PHACTR2: variants seen among roughly 807,000 people sequenced by gnomAD.
PHACTR2 encodes the protein phosphatase and actin regulator 2, also known as chromosome 6 open reading frame 56.
Under a neutral mutation model 76.0 loss-of-function variants are expected in PHACTR2, and 30 were observed. That is an observed-to-expected ratio of 0.39 (90% CI 0.30 to 0.54). The LOEUF (loss-of-function observed/expected upper bound fraction) is 0.54, where lower values mean the gene tolerates loss of function less well. Ranked by LOEUF, PHACTR2 falls within the 20% of genes least tolerant of loss-of-function variation. PHACTR2 has a pLI of 0.61. For missense variants in PHACTR2, 696 were observed against 781.1 expected (o/e 0.89, Z 1.30); for synonymous variants, 292 against 292.5 (o/e 1.00, Z 0.02).
chr6:143,571,989 T>C lies in PHACTR2; in HGVS notation c.217+34782T>C, dbSNP rs1775450558. Among the ~76,000 whole-genome samples the C allele has an allele frequency of 1.3e-5, 2 of 152,204 alleles. No individual in the cohort carries two copies. Among genetic ancestry groups the C allele is most frequent in the African/African-American group, 4.8e-5 (2 of 41,442 alleles). On this transcript the variant is annotated intron_variant, in intron 1 of 11. Coordinates refer to the PHACTR2 transcript ENST00000367584. This position sits in a 1 kb window ranked among gnomAD's most constrained non-coding sequence, Gnocchi z 4.6. ...TTATGAAACACTGGTCCCAAAAACA[T>C]GTCAGATTATGAGGAGCATAGCCTA...
In PHACTR2 at chr6:143,747,449, C is replaced by T. The variant is rs1779091608; in HGVS notation, c.215-1536C>T. ...AGTGTCCTTGCTTGAGGCCCTGGAG[C>T]CCCTGAGCAAACATGTTCTTAGTGT... On this transcript the variant is annotated intron_variant, in intron 2 of 12. Transcript: ENST00000440869. Among the ~76,000 whole-genome samples the T allele has an allele frequency of 3.3e-5, 5 of 152,192 alleles. No homozygotes were observed. The South Asian group carries it at 1.0e-3, about 31-fold the overall frequency.
chr6:143,678,272 C>G lies in PHACTR2; in HGVS notation c.46+63C>G, dbSNP rs1331716300. ...GGGCGCAGGGCTGGCGGCGGGGCCC[C>G]GGGGCAGGCAGGGTTAGTCGTCTGG... On this transcript the variant is annotated intron_variant, in intron 1 of 12. Coordinates refer to ENST00000440869, the MANE Select transcript of PHACTR2 (RefSeq NM_001100164.2). This position sits in a 1 kb window ranked among gnomAD's most constrained non-coding sequence, Gnocchi z 6.2. 5.1e-6 allele frequency: 7 copies of G among 1,380,960 alleles called. No individual in the cohort carries two copies. The highest frequency in any genetic ancestry group is 6.6e-6 in the Non-Finnish European group (7 of 1,066,186). The allele number at this position is 1,380,960 out of a possible 1,614,324, so 85.5% of individuals were successfully genotyped here.
At position 143,585,904 on chromosome 6, in the gene PHACTR2, G is replaced by A. The variant is rs1775624682; in HGVS notation, c.217+48697G>A. Among the ~76,000 whole-genome samples the A allele has an allele frequency of 6.6e-6, 1 of 152,210 alleles. No individual in the cohort carries two copies. The highest frequency in any genetic ancestry group is 1.5e-5 in the Non-Finnish European group (1 of 68,048). ...AAGCTGGGGCCGCTAGCACTTCATG[G>A]CAGGGACACATTATTTTTCTTCTTT... On this transcript the variant is annotated intron_variant, in intron 1 of 11. Coordinates refer to the PHACTR2 transcript ENST00000367584. The surrounding 1 kb of genome is among the most constrained non-coding windows in gnomAD (Gnocchi z 5.2).
intron 1 of PHACTR2, among the ~76,000 whole-genome samples, chr6:143,693,246 T>C (rs1777689480): frequency 6.6e-6 from 1 of 152,152 alleles, no homozygotes; most frequent in African/African-American, 2.4e-5. Context: ...TGTTTTGTTT[T>C]TATTTTTTTG....
chr6:143,574,048 T>G (rs1248419680), intron 1 of PHACTR2, among the ~76,000 whole-genome samples: 1 of 152,228 alleles, frequency 6.6e-6, no homozygotes, highest in East Asian at 1.9e-4. Flanking sequence ...ACTCAAGGTG[T>G]CAGCTGGGCT....
rs1363444164 is a variant in PHACTR2, at chr6:143,830,182, A to C, written c.*6493A>C. 2.0e-5 allele frequency: 3 copies of C among 152,142 alleles called. No individual in the cohort carries two copies. Among genetic ancestry groups the C allele is most frequent in the Non-Finnish European group, 4.4e-5 (3 of 68,034 alleles). 9.4% of individuals were successfully genotyped at this position (152,142 alleles called of 1,614,324 possible). ...ATATTTCTTTTTCTTTTTTTTAAAA[A>C]AAACATTTCTTCTGTGGCTTAGAAA... On this transcript the variant is annotated 3_prime_UTR_variant, in exon 13 of 13. Transcript: ENST00000440869.
Position 143,680,556 on chromosome 6 carries a change from A to G in PHACTR2, c.46+2347A>G, listed in dbSNP as rs1777368889. On this transcript the variant is annotated intron_variant, in intron 1 of 12. Transcript: ENST00000440869. This position sits in a 1 kb window ranked among gnomAD's most constrained non-coding sequence, Gnocchi z 4.5. ...GACTTTAGGCTCTCTAGAGCCTTTC[A>G]GTTTAGGTTGCACCTAATTCTCTGG... is the stretch of plus-strand genomic sequence containing the variant. Among the ~76,000 whole-genome samples, 1 of 152,220 alleles carries G rather than the reference A, an allele frequency of 6.6e-6. No homozygotes were observed. The highest frequency in any genetic ancestry group is 2.4e-5 in the African/African-American group (1 of 41,458).
In PHACTR2 at chr6:143,624,424, T is replaced by C. The variant is rs926895804; in HGVS notation, c.13+16102T>C. Among the ~76,000 whole-genome samples the C allele has an allele frequency of 2.0e-5, 3 of 152,180 alleles. No individual in the cohort carries two copies. The highest frequency in any genetic ancestry group is 7.2e-5 in the African/African-American group (3 of 41,448). ...GCCTGGCCAAAATCTTGTTAATTCT[T>C]ATGACCAAGACGCAGTCATAGTTAC... On this transcript the variant is annotated intron_variant, in intron 1 of 11. Transcript: ENST00000305766. The surrounding 1 kb of genome is among the most constrained non-coding windows in gnomAD (Gnocchi z 4.6).
chr6:143,575,509 C>T (rs1036979698), intron 1 of PHACTR2, among the ~76,000 whole-genome samples: 2 of 152,096 alleles, frequency 1.3e-5, no homozygotes, highest in African/African-American at 4.8e-5. Flanking sequence ...AAAAAGCGCT[C>T]CCTAGCTGCT....
chr6:143,678,038 G>C lies in PHACTR2; in HGVS notation c.-126G>C, dbSNP rs965005492. 6.6e-7 allele frequency: 1 copy of C among 1,520,460 alleles called. No homozygotes were observed. Among genetic ancestry groups the C allele is most frequent in the African/African-American group, 1.4e-5 (1 of 70,082 alleles). 94.2% of individuals were successfully genotyped at this position (1,520,460 alleles called of 1,614,324 possible). A position where few individuals can be genotyped will look rare whatever the true frequency, so the allele number is the denominator to read the frequency against. On this transcript the variant is annotated 5_prime_UTR_variant, in exon 1 of 13. Coordinates refer to ENST00000440869, the MANE Select transcript of PHACTR2 (RefSeq NM_001100164.2). This position sits in a 1 kb window ranked among gnomAD's most constrained non-coding sequence, Gnocchi z 6.2. ...AGACCCGCGCGGGGTAGAAGGTGAG[G>C]GGACCCGGCGGGCCGCTCGGCACAG...
At position 143,774,031 on chromosome 6, in the gene PHACTR2, T is replaced by G. The variant is rs1456034463; in HGVS notation, c.1433-28T>G. 6.2e-7 allele frequency: 1 copy of G among 1,607,286 alleles called. No individual in the cohort carries two copies. ...GCCACTGGCTAAAAGCCTCTCTCTC[T>G]GCATTTCTGCTCTTTTTCAATCCTC... On this transcript the variant is annotated intron_variant, in intron 7 of 12. Coordinates refer to ENST00000440869, the MANE Select transcript of PHACTR2 (RefSeq NM_001100164.2). This position sits in a 1 kb window ranked among gnomAD's most constrained non-coding sequence, Gnocchi z 5.4.
rs528752622 is a variant in PHACTR2 at position 143,589,324 on chromosome 6, G to A, written c.217+52117G>A. Among the ~76,000 whole-genome samples the A allele has an allele frequency of 4.6e-5, 7 of 152,194 alleles. No homozygotes were observed. The highest frequency in any genetic ancestry group is 9.6e-5 in the African/African-American group (4 of 41,516). ...GTCATGATAGTGAATGACTTCTCAC[G>A]ATATCTGGTTGTTTAAAAGTGTGGG... On this transcript the variant is annotated intron_variant, in intron 1 of 11. Coordinates refer to the PHACTR2 transcript ENST00000367584. This position sits in a 1 kb window ranked among gnomAD's most constrained non-coding sequence, Gnocchi z 4.4.
Position 143,672,836 on chromosome 6 carries a change from G to A in PHACTR2, c.14-39180G>A, listed in dbSNP as rs768033583. ...GCCTCCCAGGTTCAAGTGATTCTCC[G>A]GCCTCAGCCTCCCAAGTAGCTGAGA... On this transcript the variant is annotated intron_variant, in intron 1 of 11. Coordinates refer to the PHACTR2 transcript ENST00000305766. This position sits in a 1 kb window ranked among gnomAD's most constrained non-coding sequence, Gnocchi z 5.8. Among the ~76,000 whole-genome samples, 45 of 151,912 alleles carry A rather than the reference G, an allele frequency of 3.0e-4. No individual in the cohort carries two copies. The highest frequency in any genetic ancestry group is 1.3e-3 in the Admixed American group (20 of 15,260).
At chr6:143,638,207 T>C (rs1776498859) in intron 1 of PHACTR2, among the ~76,000 whole-genome samples, 1 of 152,160 alleles carries the variant, frequency 6.6e-6, no homozygotes, top group Non-Finnish European at 1.5e-5. Flanking sequence ...GAGAGCTTGA[T>C]TGGCAGTTAC....
rs1775488272 is a variant in PHACTR2 at position 143,783,799 on chromosome 6, A to G, written c.1707+519A>G. ...AAGACACAAAAAAAGAAAAAAATAA[A>G]ATCATGTCTTTCATTCAGAGACAGC... is the stretch of plus-strand genomic sequence containing the variant. On this transcript the variant is annotated intron_variant, in intron 10 of 12. Transcript: ENST00000440869. The surrounding 1 kb of genome is among the most constrained non-coding windows in gnomAD (Gnocchi z 5.2). Among the ~76,000 whole-genome samples the G allele has an allele frequency of 6.6e-6, 1 of 152,188 alleles. No individual in the cohort carries two copies. The highest frequency in any genetic ancestry group is 1.9e-4 in the East Asian group (1 of 5,198).
At position 143,549,823 on chromosome 6, in the gene PHACTR2, G is replaced by A. The variant is rs114508286; in HGVS notation, c.217+12616G>A. On this transcript the variant is annotated intron_variant, in intron 1 of 11. Transcript: ENST00000367584. The surrounding 1 kb of genome is among the most constrained non-coding windows in gnomAD (Gnocchi z 4.2). The stretch of plus-strand genomic sequence containing the variant: ...GTGTTAAAGTCATGCTTAGGAGTGG[G>A]GGTGGGGTGTCTCGGTATGATTCAG... Among the ~76,000 whole-genome samples the A allele has an allele frequency of 8.1e-3, 1,228 of 151,838 alleles. 22 individuals carry two copies. Among genetic ancestry groups the A allele is most frequent in the African/African-American group, 0.027 (1,137 of 41,422 alleles).
At position 143,829,542 on chromosome 6, in the gene PHACTR2, A is replaced by C. The variant is rs1481880046; in HGVS notation, c.*5853A>C. The C allele has an allele frequency of 6.6e-6, 1 of 152,244 alleles. No homozygotes were observed. The highest frequency in any genetic ancestry group is 1.5e-5 in the Non-Finnish European group (1 of 68,030). 9.4% of individuals were successfully genotyped at this position (152,244 alleles called of 1,614,324 possible). A position where few individuals can be genotyped will look rare whatever the true frequency, so the allele number is the denominator to read the frequency against. ...AAAATGTGGATTAACTGTGGGTTGC[A>C]TGCCTGTTGTTCATACTTCAGTGAT... On this transcript the variant is annotated 3_prime_UTR_variant, in exon 13 of 13. Transcript: ENST00000440869.
In PHACTR2 at chr6:143,672,560, G is replaced by T. The variant is rs1777173793; in HGVS notation, c.14-39456G>T. 6.6e-6 allele frequency among the ~76,000 whole-genome samples: 1 copy of T among 152,122 alleles called. No individual in the cohort carries two copies. The highest frequency in any genetic ancestry group is 2.1e-4 in the South Asian group (1 of 4,830). ...AGAATTTAATCTTTCTTTAATTCAGGAAGCACTTCACAATCTTAGGGCACC... is the reference window on the plus strand; with the variant it reads ...AGAATTTAATCTTTCTTTAATTCAGTAAGCACTTCACAATCTTAGGGCACC... On this transcript the variant is annotated intron_variant, in intron 1 of 11. Coordinates refer to the PHACTR2 transcript ENST00000305766. The surrounding 1 kb of genome is among the most constrained non-coding windows in gnomAD (Gnocchi z 5.8).
chr6:143,783,314 G>T lies in PHACTR2; in HGVS notation c.1707+34G>T, dbSNP rs181178380. 6.0e-5 allele frequency: 78 copies of T among 1,299,834 alleles called. No homozygotes were observed. The Admixed American group carries it at 1.3e-3, about 22-fold the overall frequency. 80.5% of individuals were successfully genotyped at this position (1,299,834 alleles called of 1,614,324 possible). On this transcript the variant is annotated intron_variant, in intron 10 of 12. Transcript: ENST00000440869. The surrounding 1 kb of genome is among the most constrained non-coding windows in gnomAD (Gnocchi z 5.2). Reference sequence around the variant, plus strand: ...ATCATAACTATTAATGAGCATATGTGTTTTGAGATATACTTTTAAAAAAAA... The same window carrying T: ...ATCATAACTATTAATGAGCATATGTTTTTTGAGATATACTTTTAAAAAAAA...
Sources: gnomAD v4.1 joint callset for allele counts (sites outside exome capture counted in the v4.1 genomes callset) on GRCh38, gnomAD v4.1.1 for gene constraint, Gnocchi (gnomAD v3.1) non-coding constraint, MANE v1.5 for transcripts, NCBI Gene and HGNC (gene_info 2026-07-23, HGNC 2026-07-21) for gene names.